The following FCRL1 variants were observed in gnomAD, a reference collection of about 807,000 sequenced individuals.
FCRL1 encodes Fc receptor like 1.
Under a neutral mutation model 49.2 loss-of-function variants are expected in FCRL1, and 34 were observed. That is an observed-to-expected ratio of 0.69 (90% CI 0.53 to 0.92). The LOEUF is 0.92. Among genes scored for constraint, FCRL1 ranks in the 40% least tolerant of loss-of-function variants. The probability of loss-of-function intolerance (pLI) is 0.00; values close to 1 mark genes in which losing one functional copy is unlikely to be tolerated. For missense variants in FCRL1, 524 were observed against 524.1 expected (o/e 1.00, Z 0.00); for synonymous variants, 218 against 201.6 (o/e 1.08, Z -0.69).
chr1:157,797,247 T>G (rs188643076), intron 9 of FCRL1, 115 bp from the exon 10 acceptor site: 1 of 1,065,040 alleles, frequency 9.4e-7, no homozygotes, highest in African/African-American at 1.6e-5. Context: ...TTGATTTCCA[T>G]TAATATTTTC....
chr1:157,801,948 G>T lies in FCRL1; in HGVS notation c.853C>A (p.Gln285Lys). 1 of 1,614,158 alleles carries T rather than the reference G, an allele frequency of 6.2e-7. No individual in the cohort carries two copies. Among genetic ancestry groups the T allele is most frequent in the Non-Finnish European group, 8.5e-7 (1 of 1,179,998 alleles). Residue 285 changes from glutamine to lysine, a missense_variant, in exon 5 of 11, where the codon CAG becomes AAG. Physicochemically the swap from Gln to Lys is moderately conservative, Grantham distance 53 (BLOSUM62 1). Coordinates refer to ENST00000368176, the MANE Select transcript of FCRL1 (RefSeq NM_052938.5). The stretch of plus-strand genomic sequence containing the variant: ...TTGAGTGTCACCGCCTCACTGCGCT[G>T]GGCCCCCAGGCCATTGTTGGCCTCA... ...SCEANNGLGA[Q>K]RSEAVTLNFT...
At chr1:157,799,663 G>A (rs931476414) in intron 7 of FCRL1, among the ~76,000 whole-genome samples, 9 of 151,782 alleles carry the variant, frequency 5.9e-5, no homozygotes, top group Non-Finnish European at 1.3e-4. Flanking sequence ...AGGAGGGAGG[G>A]ATAGCATTAG....
In FCRL1 at chr1:157,801,543, T is replaced by C; in HGVS notation, c.921A>G (p.Ser307=). 6.2e-7 allele frequency: 1 copy of C among 1,613,886 alleles called. No individual in the cohort carries two copies. Among genetic ancestry groups the C allele is most frequent in the South Asian group, 1.1e-5 (1 of 91,074 alleles). The stretch of plus-strand genomic sequence containing the variant: ...TGCTGAGCAGCCCCTCAATGACTCC[T>C]GAGGTAAGATGATTGCTTCTGGCCC... ...PTGARSNHLT[S]GVIEGLLSTL... The change falls in exon 6 of 11, where the codon TCA becomes TCG. Residue 307 remains serine, a synonymous_variant. Transcript: ENST00000368176.
intron 1 of FCRL1, among the ~76,000 whole-genome samples, chr1:157,815,451 A>G (rs1487164505): frequency 6.6e-6 from 1 of 151,950 alleles, no homozygotes; most frequent in Non-Finnish European, 1.5e-5. Flanking sequence ...AATATAGCAA[A>G]AGCAATTCTG....
intron 2 of FCRL1, among the ~76,000 whole-genome samples, chr1:157,805,316 A>G (rs1317631224): frequency 6.6e-6 from 1 of 152,200 alleles, no homozygotes; most frequent in African/African-American, 2.4e-5. Flanking sequence ...CCCTTGAAAA[A>G]TATTATACTT....
intron 2 of FCRL1, among the ~76,000 whole-genome samples, chr1:157,805,415 T>G (rs1204960258): frequency 6.6e-6 from 1 of 152,238 alleles, no homozygotes; most frequent in Non-Finnish European, 1.5e-5. Context: ...GGAATTCAGC[T>G]TTTCGGCTGA....
At chr1:157,799,245 C>T (rs959095200) in intron 7 of FCRL1, among the ~76,000 whole-genome samples, 1 of 152,144 alleles carries the variant, frequency 6.6e-6, no homozygotes, top group African/African-American at 2.4e-5. Flanking sequence ...GGTGATCTGC[C>T]CGCCTCAGCC....
At chr1:157,809,544 G>T (rs1301043768) in intron 1 of FCRL1, among the ~76,000 whole-genome samples, 2 of 152,166 alleles carry the variant, frequency 1.3e-5, no homozygotes, top group African/African-American at 4.8e-5. Context: ...CACCTCTCGG[G>T]TTCAAGCGAT....
At chr1:157,797,540 C>T in intron 9 of FCRL1, 5 of 602,604 alleles carry the variant, frequency 8.3e-6, no homozygotes, top group Non-Finnish European at 1.5e-5. Flanking sequence ...GTAGGCCATA[C>T]AATGACACCT....
chr1:157,796,270 T>A, intron 10 of FCRL1, 100 bp from the exon 11 acceptor site: 1 of 949,282 alleles, frequency 1.1e-6, no homozygotes, highest in African/African-American at 1.6e-5. Context: ...TCATGGCACA[T>A]CACGCAATGC....
In FCRL1 at chr1:157,795,739, C is replaced by A. The variant is rs1248999880; in HGVS notation, c.*360G>T. The A allele has an allele frequency of 5.2e-6, 1 of 192,168 alleles. No homozygotes were observed. The highest frequency in any genetic ancestry group is 1.1e-5 in the Non-Finnish European group (1 of 91,384). The allele number at this position is 192,168 out of a possible 1,614,324, so 11.9% of individuals were successfully genotyped here. ...CTGTGAAGTCCTGCAGAGTCACTAACCTTGAGTTCATGTGCTCTAAGCTTC... is the reference window on the plus strand; with the variant it reads ...CTGTGAAGTCCTGCAGAGTCACTAAACTTGAGTTCATGTGCTCTAAGCTTC... On this transcript the variant is annotated 3_prime_UTR_variant, in exon 11 of 11. Coordinates refer to ENST00000368176, the MANE Select transcript of FCRL1 (RefSeq NM_052938.5).
chr1:157,803,634 G>A (rs1255439738), intron 3 of FCRL1, among the ~76,000 whole-genome samples: 1 of 152,194 alleles, frequency 6.6e-6, no homozygotes, highest in Non-Finnish European at 1.5e-5. Flanking sequence ...AAGACACACA[G>A]TAAGGGTTTC....
At chr1:157,799,904 A>G (rs984330340) in intron 7 of FCRL1, among the ~76,000 whole-genome samples, 154 bp downstream of exon 7, 1 of 152,162 alleles carries the variant, frequency 6.6e-6, no homozygotes, top group Non-Finnish European at 1.5e-5. Flanking sequence ...GGAAGTGACA[A>G]TGAATTGTTC....
At chr1:157,813,792 T>C (rs1220653807) in intron 1 of FCRL1, among the ~76,000 whole-genome samples, 1 of 152,170 alleles carries the variant, frequency 6.6e-6, no homozygotes, top group Non-Finnish European at 1.5e-5. Context: ...AAGGTCATTA[T>C]AATCAAATTG....
In FCRL1 at chr1:157,796,047, C is replaced by T. The variant is rs564339716; in HGVS notation, c.*52G>A. On this transcript the variant is annotated 3_prime_UTR_variant, in exon 11 of 11. Transcript: ENST00000368176. ...CAGGATCTCTGAAGAACATATCAGGCCTGAGGCTTGGGGTCATGGATGGTT... is the reference window on the plus strand; with the variant it reads ...CAGGATCTCTGAAGAACATATCAGGTCTGAGGCTTGGGGTCATGGATGGTT... The T allele has an allele frequency of 3.3e-5, 48 of 1,473,434 alleles. No individual in the cohort carries two copies. The East Asian group carries it at 9.9e-4, about 31-fold the overall frequency. 91.3% of individuals were successfully genotyped at this position (1,473,434 alleles called of 1,614,324 possible). A position where few individuals can be genotyped will look rare whatever the true frequency, so the allele number is the denominator to read the frequency against.
At chr1:157,797,706 C>T in intron 9 of FCRL1, 162 bp downstream of exon 9, 12 of 1,526,850 alleles carry the variant, frequency 7.9e-6, no homozygotes, top group Non-Finnish European at 1.1e-5. Flanking sequence ...GGGCTCTACT[C>T]AAGGTAGCTC....
At chr1:157,805,534 T>G (rs1057233341) in intron 2 of FCRL1, among the ~76,000 whole-genome samples, 2 of 152,204 alleles carry the variant, frequency 1.3e-5, no homozygotes, top group African/African-American at 4.8e-5. Flanking sequence ...TGTCTTTCCT[T>G]GGAAAACTGT....
chr1:157,798,066 A>G (rs1651826735), intron 8 of FCRL1, 95 bp downstream of exon 8: 1 of 1,503,412 alleles, frequency 6.7e-7, no homozygotes, highest in Non-Finnish European at 9.2e-7. Context: ...AGGCTAGGGC[A>G]CAGCAAAGTC....
chr1:157,798,853 CT>C (rs1421501465), intron 7 of FCRL1, among the ~76,000 whole-genome samples: 1 of 152,116 alleles, frequency 6.6e-6, no homozygotes, highest in African/African-American at 2.4e-5. Context: ...GTACATGTAT[CT>C]TACCTACCCT....
Sources: allele counts gnomAD v4.1 joint callset (sites outside exome capture counted in the v4.1 genomes callset), GRCh38; gene constraint gnomAD v4.1.1; transcripts MANE v1.5; gene names NCBI Gene and HGNC (gene_info 2026-07-23, HGNC 2026-07-21).